The following DMD variants were observed in gnomAD, a reference collection of about 807,000 sequenced individuals.
DMD encodes the protein dystrophin.
Under a neutral mutation model 330.1 loss-of-function variants are expected in DMD, and 63 were observed. The observed-to-expected ratio is 0.19, with a 90% CI of 0.16 to 0.24. The LOEUF is 0.24. Ranked by LOEUF, DMD falls within the 10% of genes least tolerant of loss-of-function variation. The pLI, the probability that DMD is intolerant of heterozygous loss-of-function variation, is 1.00. For missense variants in DMD, 3,344 were observed against 2,684.1 expected (o/e 1.25, Z -5.43); for synonymous variants, 1,223 against 959.8 (o/e 1.27, Z -5.07).
intron 4 of DMD, among the ~76,000 whole-genome samples, chrX:32,831,024 T>G (rs1413938299): frequency 9.0e-6 from 1 of 111,092 alleles, no homozygotes; most frequent in African/African-American, 3.3e-5. Flanking sequence ...CCCTCTTCTA[T>G]CGCCAGACTA....
chrX:32,025,972 T>G (rs1163762570), intron 44 of DMD, among the ~76,000 whole-genome samples: 1 of 112,173 alleles, frequency 8.9e-6, no homozygotes, highest in African/African-American at 3.2e-5. Flanking sequence ...ATTTTTTTCA[T>G]CTGGATGAAT....
chrX:32,364,497 G>T, intron 36 of DMD, 85 bp downstream of exon 36: 1 of 1,046,998 alleles, frequency 9.6e-7, no homozygotes, highest in Non-Finnish European at 1.3e-6. Flanking sequence ...CTCTTATTAA[G>T]ACGTCCTTAG....
intron 1 of DMD, among the ~76,000 whole-genome samples, chrX:33,317,756 T>C (rs1257432931): frequency 1.8e-5 from 2 of 111,760 alleles, no homozygotes; most frequent in Non-Finnish European, 3.8e-5. Context: ...TAGAGCCCAC[T>C]GTCTCAATAG....
chrX:33,221,571 C>T (rs1197356532), intron 1 of DMD, among the ~76,000 whole-genome samples: 2 of 110,712 alleles, frequency 1.8e-5, no homozygotes, highest in Non-Finnish European at 3.8e-5. Flanking sequence ...AAAGAAGATT[C>T]ATTAACAAAG....
At chrX:31,853,246 A>G (rs2093561364) in intron 48 of DMD, among the ~76,000 whole-genome samples, 1 of 112,793 alleles carries the variant, frequency 8.9e-6, no homozygotes, top group Admixed American at 9.4e-5. Context: ...CCATATAGTA[A>G]ATATTTTAGA....
At chrX:33,108,125 G>A (rs778837251) in intron 1 of DMD, among the ~76,000 whole-genome samples, 2 of 107,859 alleles carry the variant, frequency 1.9e-5, no homozygotes, top group Admixed American at 1.0e-4. Context: ...TTTGAAATAC[G>A]TAGAACAAAT....
chrX:31,584,781 T>C (rs1365547235), intron 55 of DMD, among the ~76,000 whole-genome samples: 1 of 110,515 alleles, frequency 9.0e-6, no homozygotes, highest in Admixed American at 9.7e-5. Flanking sequence ...TGGACAATTG[T>C]TTGTTTGTTA....
intron 34 of DMD, among the ~76,000 whole-genome samples, chrX:32,379,085 T>C (rs1163931402): frequency 9.0e-6 from 1 of 110,573 alleles, no homozygotes; most frequent in East Asian, 2.8e-4. Context: ...ATGAATATAC[T>C]TTATTTGACA....
chrX:33,052,158 T>C (rs2094465466), intron 1 of DMD, among the ~76,000 whole-genome samples: 1 of 111,926 alleles, frequency 8.9e-6, no homozygotes, highest in Non-Finnish European at 1.9e-5. Context: ...TTTAAAATAT[T>C]GTTCTTTAAA....
intron 5 of DMD, among the ~76,000 whole-genome samples, chrX:32,822,119 A>AT (rs2078310974): frequency 8.9e-6 from 1 of 111,991 alleles, no homozygotes; most frequent in South Asian, 3.7e-4. Context: ...CAGCCTCCAA[A>AT]TTTTTTAAAT....
At chrX:32,792,736 T>C (rs2075911791) in intron 7 of DMD, among the ~76,000 whole-genome samples, 1 of 111,962 alleles carries the variant, frequency 8.9e-6, no homozygotes, top group African/African-American at 3.2e-5. Flanking sequence ...TATATAATGA[T>C]AAAGGGATAA....
chrX:32,640,352 A>C (rs186238535), intron 11 of DMD, among the ~76,000 whole-genome samples: 279 of 109,475 alleles, frequency 2.5e-3, no homozygotes, highest in Middle Eastern at 4.7e-3. Context: ...GAGAACAGAA[A>C]AGAAAAGTAT....
intron 13 of DMD, among the ~76,000 whole-genome samples, chrX:32,580,887 C>T (rs762507578): frequency 2.7e-5 from 3 of 110,750 alleles, no homozygotes; most frequent in Non-Finnish European, 3.8e-5. Flanking sequence ...AGAGCAGTGG[C>T]GCGATCTCGG....
intron 44 of DMD, among the ~76,000 whole-genome samples, chrX:32,154,486 T>A (rs2096821210): frequency 8.9e-6 from 1 of 112,240 alleles, no homozygotes; most frequent in South Asian, 3.6e-4. Flanking sequence ...TCCTAAAACT[T>A]GAACAAATCA....
intron 18 of DMD, among the ~76,000 whole-genome samples, chrX:32,515,604 G>A (rs981291182): frequency 2.2e-4 from 25 of 111,564 alleles, no homozygotes; most frequent in African/African-American, 7.8e-4. Context: ...GAAAAAATTC[G>A]AGTTGTTAGA....
At chrX:31,729,506 T>A (rs1168724675) in intron 52 of DMD, 125 bp downstream of exon 52, 1 of 588,268 alleles carries the variant, frequency 1.7e-6, no homozygotes, top group African/African-American at 2.2e-5. Flanking sequence ...CTCAGCACAA[T>A]TGTTATCATT....
At chrX:32,443,931 C>T (rs1306695024) in intron 27 of DMD, among the ~76,000 whole-genome samples, 4 of 110,717 alleles carry the variant, frequency 3.6e-5, no homozygotes, top group African/African-American at 1.3e-4. Flanking sequence ...TGTTAAAATA[C>T]AAAGGAAACA....
chrX:31,175,660 T>C (rs1473339872), intron 71 of DMD, among the ~76,000 whole-genome samples: 1 of 110,790 alleles, frequency 9.0e-6, no homozygotes, highest in East Asian at 2.8e-4. Context: ...CAAAAGAAGG[T>C]AATAATACTG....
chrX:33,040,043 T>C (rs2094272939), intron 1 of DMD, among the ~76,000 whole-genome samples: 1 of 110,908 alleles, frequency 9.0e-6, no homozygotes, highest in Non-Finnish European at 1.9e-5. Context: ...ATAGCTCCAA[T>C]TGTAAGGCAT....
Sources: allele counts gnomAD v4.1 joint callset (sites outside exome capture counted in the v4.1 genomes callset), GRCh38; gene constraint gnomAD v4.1.1; transcripts MANE v1.5; gene names NCBI Gene and HGNC (gene_info 2026-07-23, HGNC 2026-07-21).